The following DMC1 variants were observed in gnomAD, a reference collection of about 807,000 sequenced individuals.
DMC1 encodes DNA meiotic recombinase 1, also known as meiotic recombination protein DMC1 homolog.
A neutral mutation model predicts 50.1 loss-of-function variants in DMC1; 27 were observed. The ratio of observed to expected loss-of-function variants is 0.54; its 90% CI spans 0.40 to 0.74. DMC1 has a LOEUF of 0.74. Among genes scored for constraint, DMC1 ranks in the 30% least tolerant of loss-of-function variants. The pLI, the probability that DMC1 is intolerant of heterozygous loss-of-function variation, is 0.00. For missense variants in DMC1, 295 were observed against 420.2 expected (o/e 0.70, Z 2.60); for synonymous variants, 148 against 136.1 (o/e 1.09, Z -0.61).
At chr22:38,568,490 C>T (rs1195437486) in intron 1 of DMC1, 6 of 565,476 alleles carry the variant, frequency 1.1e-5, no homozygotes, top group Admixed American at 3.0e-5. Flanking sequence ...TGTGTGTGTC[C>T]CCACATGCAC....
chr22:38,558,437 G>A (rs1018087494), intron 5 of DMC1, among the ~76,000 whole-genome samples: 2 of 152,006 alleles, frequency 1.3e-5, no homozygotes, highest in African/African-American at 4.8e-5. Flanking sequence ...GCTCCTGGCT[G>A]GGCGCAGTGG....
At position 38,567,619 on chromosome 22, in the gene DMC1, C is replaced by T. The variant is rs372127548; in HGVS notation, c.60G>A (p.Leu20=). The change falls in exon 3 of 14, where the codon TTG becomes TTA. Residue 20 remains leucine (L), a synonymous_variant. Coordinates refer to ENST00000216024, the MANE Select transcript of DMC1 (RefSeq NM_007068.4). ...TCTGTAACAGGTCAATATCTTGAAACAAAGATTCCTAAAGGAGATGAAACA... is the reference window on the plus strand; with the variant it reads ...TCTGTAACAGGTCAATATCTTGAAATAAAGATTCCTAAAGGAGATGAAACA... The part of the protein sequence containing the change: ...EPGFQDEEES[L]FQDIDLLQKH... The T allele has an allele frequency of 6.6e-5, 106 of 1,607,870 alleles. No individual in the cohort carries two copies. In the East Asian group the frequency reaches 1.1e-3, roughly 17 times the overall value.
intron 7 of DMC1, among the ~76,000 whole-genome samples, chr22:38,551,863 T>TC (rs1479397023): frequency 3.9e-4 from 56 of 142,762 alleles, no homozygotes; most frequent in African/African-American, 1.4e-3. Context: ...TTTCTTTTTT[T>TC]TTTTTTTTTT....
intron 12 of DMC1, among the ~76,000 whole-genome samples, chr22:38,527,192 A>T (rs529404297): frequency 6.6e-6 from 1 of 151,984 alleles, no homozygotes; most frequent in South Asian, 2.1e-4. Flanking sequence ...TAACCATTCT[A>T]AATCTCTCCT....
At chr22:38,535,630 C>T (rs997409248) in intron 12 of DMC1, among the ~76,000 whole-genome samples, 3 of 149,920 alleles carry the variant, frequency 2.0e-5, no homozygotes, top group African/African-American at 7.4e-5. Context: ...GTTTTTGAGA[C>T]GGAGTCTTGT....
chr22:38,555,651 T>G (rs1024275833), intron 5 of DMC1, among the ~76,000 whole-genome samples: 1 of 152,036 alleles, frequency 6.6e-6, no homozygotes, highest in African/African-American at 2.4e-5. Context: ...ATAAGCCCTA[T>G]CGTTCTTACT....
downstream of DMC1, among the ~76,000 whole-genome samples, chr22:38,517,826 G>C (rs1456768477): frequency 6.6e-6 from 1 of 152,030 alleles, no homozygotes; most frequent in Non-Finnish European, 1.5e-5. Flanking sequence ...AAAGGTAAAA[G>C]GAAGAAAAAA....
chr22:38,567,604 G>A lies in DMC1; in HGVS notation c.75C>T (p.Asp25=), dbSNP rs2090593545. The change falls in exon 3 of 14, where the codon GAC becomes GAT. Residue 25 remains aspartate (D), a synonymous_variant. Coordinates refer to ENST00000216024, the MANE Select transcript of DMC1 (RefSeq NM_007068.4). ...DEEESLFQDI[D]LLQKHGINVA... is the part of the protein sequence containing the mutation. ...TTACAATTCCATGTTTCTGTAACAG[G>A]TCAATATCTTGAAACAAAGATTCCT... is the stretch of plus-strand genomic sequence containing the variant. 1.2e-6 allele frequency: 2 copies of A among 1,609,900 alleles called. No homozygotes were observed. The highest frequency in any genetic ancestry group is 1.7e-5 in the Admixed American group (1 of 59,990).
intron 5 of DMC1, among the ~76,000 whole-genome samples, chr22:38,556,260 A>AT (rs1445890716): frequency 1.3e-5 from 2 of 151,918 alleles, no homozygotes; most frequent in Admixed American, 6.6e-5. Flanking sequence ...CACAGGGCTA[A>AT]TTTTTTATTT....
intron 4 of DMC1, among the ~76,000 whole-genome samples, chr22:38,566,274 G>GAAAAA (rs547899560): frequency 1.5e-5 from 1 of 67,682 alleles, no homozygotes; most frequent in African/African-American, 4.4e-5. Context: ...CTCTGTCTCA[G>GAAAAA]AAAAAAAAAA....
rs1389311955 is a variant in DMC1 at position 38,519,306 on chromosome 22, C to T, written c.*714G>A. ...TGAACTCCTGACCTCAAGTGATCCA[C>T]CTGCCTCGGCCTCCCAAAGTGCTGG... On this transcript the variant is annotated 3_prime_UTR_variant, in exon 14 of 14. Coordinates refer to ENST00000216024, the MANE Select transcript of DMC1 (RefSeq NM_007068.4). 6.6e-6 allele frequency: 1 copy of T among 152,182 alleles called. No homozygotes were observed. The highest frequency in any genetic ancestry group is 1.5e-5 in the Non-Finnish European group (1 of 68,124). 9.4% of individuals were successfully genotyped at this position (152,182 alleles called of 1,614,324 possible). A position where few individuals can be genotyped will look rare whatever the true frequency, so the allele number is the denominator to read the frequency against.
At chr22:38,534,590 C>G (rs1308461108) in intron 12 of DMC1, among the ~76,000 whole-genome samples, 4 of 152,030 alleles carry the variant, frequency 2.6e-5, no homozygotes, top group Non-Finnish European at 5.9e-5. Flanking sequence ...GTAATCCCAG[C>G]TACTCGGGAG....
chr22:38,568,907 G>A (rs2090609081), intron 1 of DMC1, among the ~76,000 whole-genome samples: 1 of 152,026 alleles, frequency 6.6e-6, no homozygotes, highest in Admixed American at 6.6e-5. Flanking sequence ...TTAAAAATAT[G>A]GTGGTCCGGG....
intron 12 of DMC1, among the ~76,000 whole-genome samples, chr22:38,525,103 A>G (rs1314524510): frequency 1.3e-5 from 2 of 152,080 alleles, no homozygotes; most frequent in East Asian, 1.9e-4. Flanking sequence ...AGCACACTAC[A>G]TGGTAATTTT....
chr22:38,533,395 C>CAAAAAAAAAAAAA (rs1296043692), intron 12 of DMC1, among the ~76,000 whole-genome samples: 1 of 38,486 alleles, frequency 2.6e-5, no homozygotes. Context: ...GACTCCATCA[C>CAAAAAAAAAAAAA]AAAAAAAAAA....
At chr22:38,514,368 T>C (rs547320319), downstream of DMC1, among the ~76,000 whole-genome samples, 1 of 149,644 alleles carries the variant, frequency 6.7e-6, no homozygotes, top group East Asian at 2.0e-4. Flanking sequence ...CCTCAGCCTC[T>C]GGAGTAGCTG....
At chr22:38,531,684 C>T (rs1157760115) in intron 12 of DMC1, among the ~76,000 whole-genome samples, 3 of 151,854 alleles carry the variant, frequency 2.0e-5, no homozygotes, top group African/African-American at 7.3e-5. Context: ...ATTAACATAC[C>T]AATTATAGTG....
chr22:38,546,347 C>G (rs1463268056), intron 8 of DMC1, among the ~76,000 whole-genome samples: 1 of 152,058 alleles, frequency 6.6e-6, no homozygotes, highest in Admixed American at 6.6e-5. Context: ...CGAGATCGCA[C>G]CATTGCACTC....
chr22:38,562,166 A>T (rs2090534234), intron 5 of DMC1, 121 bp downstream of exon 5: 8 of 700,134 alleles, frequency 1.1e-5, no homozygotes, highest in Admixed American at 5.3e-5. Flanking sequence ...AAACAAACAA[A>T]CCCAAACTTC....
Sources: gnomAD v4.1 joint callset for allele counts (sites outside exome capture counted in the v4.1 genomes callset) on GRCh38, gnomAD v4.1.1 for gene constraint, MANE v1.5 for transcripts, NCBI Gene and HGNC (gene_info 2026-07-23, HGNC 2026-07-21) for gene names.